WDFY3: variants seen among roughly 807,000 people sequenced by gnomAD.
The protein encoded by WDFY3 is WD repeat and FYVE domain-containing protein 3.
WDFY3 carries 66 observed loss-of-function variants against 409.6 expected under a neutral mutation model. That is an observed-to-expected ratio of 0.16 (90% CI 0.13 to 0.20). The LOEUF (loss-of-function observed/expected upper bound fraction) is 0.20. WDFY3 is among the 10% of genes least tolerant of loss of function. The pLI, the probability that WDFY3 is intolerant of heterozygous loss-of-function variation, is 1.00. For synonymous variants in WDFY3, 1,521 were observed against 1,537.1 expected (o/e 0.99, Z 0.25); for missense variants, 3,031 against 4,298.1 (o/e 0.71, Z 8.24).
chr4:84,950,004 T>A (rs550516009), intron 1 of WDFY3, among the ~76,000 whole-genome samples: 1 of 152,224 alleles, frequency 6.6e-6, no homozygotes, highest in African/African-American at 2.4e-5. Flanking sequence ...AACCCAAATG[T>A]CCACTGATGA....
At chr4:84,829,857 G>C (rs935425897) in intron 8 of WDFY3, among the ~76,000 whole-genome samples, 3 of 90,234 alleles carry the variant, frequency 3.3e-5, no homozygotes, top group Non-Finnish European at 7.1e-5. Context: ...AAATTAGAGA[G>C]ACTATAGACC....
chr4:84,787,076 A>G (rs529628766), intron 23 of WDFY3, among the ~76,000 whole-genome samples: 18 of 152,338 alleles, frequency 1.2e-4, no homozygotes, highest in African/African-American at 4.3e-4. Context: ...AGGAAAAATA[A>G]TGTTAAGTGA....
intron 17 of WDFY3, among the ~76,000 whole-genome samples, chr4:84,799,774 T>A (rs983732881): frequency 3.3e-4 from 50 of 152,336 alleles, no homozygotes; most frequent in African/African-American, 1.2e-3. Flanking sequence ...CAGTTTTTCA[T>A]GTAGAACGTT....
At chr4:84,750,649 G>A (rs1263318608) in intron 36 of WDFY3, among the ~76,000 whole-genome samples, 1 of 152,166 alleles carries the variant, frequency 6.6e-6, no homozygotes. Flanking sequence ...TAATGTATAT[G>A]CAACTAATTA....
At position 84,821,198 on chromosome 4, in the gene WDFY3, C is replaced by T; in HGVS notation, c.1477G>A (p.Asp493Asn). ...MKTLLKFTRH[D>N]YIFKDVFREV... ...CTGAACACGTCTTTAAATATGTAGT[C>T]ATGTCTTGTAAACTTAAGAAGTGTT... The change falls in exon 11 of 68, where the codon GAC (aspartate) becomes AAC (asparagine). Residue 493 changes from aspartate to asparagine, a missense_variant. Physicochemically the swap from Asp to Asn is conservative, Grantham distance 23. This residue lies in a region of WDFY3 where 1,322 missense variants were observed against 1,697.9 expected (regional missense o/e 0.78). Coordinates refer to ENST00000295888, the MANE Select transcript of WDFY3 (RefSeq NM_014991.6). 6.2e-7 allele frequency: 1 copy of T among 1,613,738 alleles called. No individual in the cohort carries two copies. Among genetic ancestry groups the T allele is most frequent in the Non-Finnish European group, 8.5e-7 (1 of 1,179,822 alleles).
In WDFY3 at chr4:84,810,042, T is replaced by A; in HGVS notation, c.2190A>T (p.Lys730Asn). 6.2e-7 allele frequency: 1 copy of A among 1,614,208 alleles called. No individual in the cohort carries two copies. Among genetic ancestry groups the A allele is most frequent in the Non-Finnish European group, 8.5e-7 (1 of 1,180,014 alleles). ...AGGGGAAGACATTCATGGCGCTTAT[T>A]TTTCTTAGGTCTGAGAAGCAGCCAA... Reference protein sequence around the residue: ...RFLGCFSDLRKISAMNVFPSN... With the variant: ...RFLGCFSDLRNISAMNVFPSN... The change falls in exon 14 of 68, where the codon AAA becomes AAT. Residue 730 changes from lysine (K) to asparagine (N), a missense_variant. Lys to Asn is a moderately conservative substitution (Grantham distance 94). Around this residue, in one of 16 missense-constraint regions of WDFY3, gnomAD observed 1,322 missense variants for 1,697.9 expected, o/e 0.78. Transcript: ENST00000295888.
At chr4:84,698,723 T>C (rs1730566237) in intron 56 of WDFY3, among the ~76,000 whole-genome samples, 1 of 152,200 alleles carries the variant, frequency 6.6e-6, no homozygotes, top group Non-Finnish European at 1.5e-5. Context: ...AGACAGAGTC[T>C]TGCTCTGTTG....
intron 36 of WDFY3, among the ~76,000 whole-genome samples, chr4:84,746,997 C>T (rs1739563647): frequency 6.6e-6 from 1 of 152,084 alleles, no homozygotes; most frequent in Admixed American, 6.6e-5. Context: ...AGCACAAGAG[C>T]AAATCTGCAA....
intron 4 of WDFY3, among the ~76,000 whole-genome samples, chr4:84,850,489 G>C (rs1758757341): frequency 6.6e-6 from 1 of 151,896 alleles, no homozygotes; most frequent in African/African-American, 2.4e-5. Flanking sequence ...GCTAATTTTT[G>C]TATTTTTAGT....
At chr4:84,825,571 T>C (rs1233026737) in intron 10 of WDFY3, among the ~76,000 whole-genome samples, 6 of 152,018 alleles carry the variant, frequency 3.9e-5, no homozygotes, top group Admixed American at 1.3e-4. Context: ...AAACATGGAT[T>C]TCTCCCTATT....
At chr4:84,697,199 A>G (rs1418433549) in intron 56 of WDFY3, among the ~76,000 whole-genome samples, 1 of 152,202 alleles carries the variant, frequency 6.6e-6, no homozygotes, top group Admixed American at 6.5e-5. Context: ...CTGAAATTTA[A>G]TTGACCACAA....
intron 3 of WDFY3, among the ~76,000 whole-genome samples, chr4:84,868,987 T>C (rs1444060349): frequency 6.6e-6 from 1 of 152,226 alleles, no homozygotes; most frequent in Non-Finnish European, 1.5e-5. Flanking sequence ...TGTAACGCAA[T>C]ACTTCCGTAA....
At chr4:84,926,479 T>C (rs1459394998) in intron 2 of WDFY3, among the ~76,000 whole-genome samples, 7 of 152,198 alleles carry the variant, frequency 4.6e-5, no homozygotes, top group Non-Finnish European at 8.8e-5. Context: ...TTTTTATACT[T>C]TGTAATTTAA....
intron 2 of WDFY3, among the ~76,000 whole-genome samples, chr4:84,914,483 G>A (rs1486153156): frequency 6.6e-6 from 1 of 152,116 alleles, no homozygotes; most frequent in Admixed American, 6.6e-5. Flanking sequence ...TTTTGGGAGA[G>A]TCAAAAGTTA....
At chr4:84,953,938 G>A (rs1414560710) in intron 1 of WDFY3, among the ~76,000 whole-genome samples, 2 of 152,056 alleles carry the variant, frequency 1.3e-5, no homozygotes, top group Non-Finnish European at 2.9e-5. Flanking sequence ...TACTCATTAA[G>A]TGTCCATAGC....
intron 24 of WDFY3, among the ~76,000 whole-genome samples, 183 bp from the exon 25 acceptor site, chr4:84,783,257 A>G (rs1334609742): frequency 6.6e-6 from 1 of 152,162 alleles, no homozygotes; most frequent in Non-Finnish European, 1.5e-5. Flanking sequence ...ACTTTGTAAG[A>G]TAGAGGCAAG....
chr4:84,940,999 G>T (rs542527953), intron 1 of WDFY3, among the ~76,000 whole-genome samples: 2 of 151,920 alleles, frequency 1.3e-5, no homozygotes, highest in South Asian at 4.2e-4. Flanking sequence ...ACTAAACCAG[G>T]AATAGAATGA....
chr4:84,672,998 GA>G lies in WDFY3; in HGVS notation c.10458-8del, dbSNP rs1279469116. On this transcript the variant is annotated splice_region_variant and splice_polypyrimidine_tract_variant and intron_variant, in intron 67 of 67. Transcript: ENST00000295888. Reference sequence around the variant, plus strand: ...AGATTGAAAGCGACTGCACCTAAAGGAAAGGAAAAGTCAATTAATTATAGGT... The same window carrying G: ...AGATTGAAAGCGACTGCACCTAAAGGAAGGAAAAGTCAATTAATTATAGGT... 6.2e-7 allele frequency: 1 copy of G among 1,613,724 alleles called. No homozygotes were observed. The highest frequency in any genetic ancestry group is 1.3e-5 in the African/African-American group (1 of 74,890).
At chr4:84,834,734 C>A (rs1187088449) in intron 7 of WDFY3, among the ~76,000 whole-genome samples, 1 of 152,156 alleles carries the variant, frequency 6.6e-6, no homozygotes, top group African/African-American at 2.4e-5. Flanking sequence ...CCAAGTGTGG[C>A]AGAGCAATAA....
Sources: gnomAD v4.1 joint callset for allele counts (sites outside exome capture counted in the v4.1 genomes callset) on GRCh38, gnomAD v4.1.1 for gene constraint, gnomAD v4.1.1 regional missense constraint, MANE v1.5 for transcripts, NCBI Gene and HGNC (gene_info 2026-07-23, HGNC 2026-07-21) for gene names.